TBC1D9B: variants seen among roughly 807,000 people sequenced by gnomAD.
The protein encoded by TBC1D9B is TBC1 domain family, member 9B (with GRAM domain).
Under a neutral mutation model 121.1 loss-of-function variants are expected in TBC1D9B, and 87 were observed. The ratio of observed to expected loss-of-function variants is 0.72; its 90% CI spans 0.60 to 0.86. The LOEUF is 0.86. TBC1D9B is among the 40% of genes least tolerant of loss of function. The probability of loss-of-function intolerance (pLI) is 0.00; values close to 1 mark genes in which losing one functional copy is unlikely to be tolerated. For missense variants in TBC1D9B, 1,540 were observed against 1,628.6 expected (o/e 0.95, Z 0.94); for synonymous variants, 668 against 670.1 (o/e 1.00, Z 0.05).
rs982445609 is a variant in TBC1D9B, at chr5:179,904,822, G to A, written c.119-10C>T. On this transcript the variant is annotated splice_polypyrimidine_tract_variant and intron_variant, in intron 1 of 20. Coordinates refer to ENST00000355235, the MANE Select transcript of TBC1D9B (RefSeq NM_015043.4). The surrounding 1 kb of genome is among the most constrained non-coding windows in gnomAD (Gnocchi z 4.2). ...GTGCCCACGAGAAGACCTGGGAACA[G>A]GGCAGAGAGACATAGAGGGTGAGGG... 9.7e-6 allele frequency: 15 copies of A among 1,550,006 alleles called. No homozygotes were observed. Among genetic ancestry groups the A allele is most frequent in the Non-Finnish European group, 3.5e-6 (4 of 1,146,428 alleles).
At chr5:179,889,250 G>C (rs1028519037) in intron 6 of TBC1D9B, among the ~76,000 whole-genome samples, 20 of 152,130 alleles carry the variant, frequency 1.3e-4, no homozygotes, top group African/African-American at 4.3e-4. Context: ...GGATGGTCTC[G>C]ATCTCCTGAC....
chr5:179,882,064 G>A (rs1346115122), intron 7 of TBC1D9B, among the ~76,000 whole-genome samples: 1 of 151,432 alleles, frequency 6.6e-6, no homozygotes, highest in East Asian at 1.9e-4. Context: ...CCTGCCTCAG[G>A]TTCCCAAGTA....
chr5:179,885,825 T>C lies in TBC1D9B; in HGVS notation c.1254+2278A>G, dbSNP rs1760668784. On this transcript the variant is annotated intron_variant, in intron 7 of 20. Coordinates refer to ENST00000355235, the MANE Select transcript of TBC1D9B (RefSeq NM_015043.4). This position sits in a 1 kb window ranked among gnomAD's most constrained non-coding sequence, Gnocchi z 4.5. Reference sequence around the variant, plus strand: ...GTAAACAGGTCGTGCCCTCCTCTGGTCATGACTCTTCACTGGCTTCCCCTC... The same window carrying C: ...GTAAACAGGTCGTGCCCTCCTCTGGCCATGACTCTTCACTGGCTTCCCCTC... Among the ~76,000 whole-genome samples, 1 of 152,112 alleles carries C rather than the reference T, an allele frequency of 6.6e-6. No individual in the cohort carries two copies. The highest frequency in any genetic ancestry group is 1.9e-4 in the East Asian group (1 of 5,190).
At position 179,876,986 on chromosome 5, in the gene TBC1D9B, G is replaced by A. The variant is rs550746174; in HGVS notation, c.1783-949C>T. On this transcript the variant is annotated intron_variant, in intron 10 of 20. Coordinates refer to ENST00000355235, the MANE Select transcript of TBC1D9B (RefSeq NM_015043.4). ...CCCAGGAGGCTGAAGTGGGAGGATC[G>A]ATTGAGCCCAGTAGGTGGAGGCTGC... is the stretch of plus-strand genomic sequence containing the variant. Among the ~76,000 whole-genome samples, 17 of 147,346 alleles carry A rather than the reference G, an allele frequency of 1.2e-4. No individual in the cohort carries two copies. In the East Asian group the frequency reaches 1.8e-3, roughly 16 times the overall value.
At position 179,875,987 on chromosome 5, in the gene TBC1D9B, C is replaced by A. The variant is rs1760349738; in HGVS notation, c.1833G>T (p.Glu611Asp). The change falls in exon 11 of 21, where the codon GAG becomes GAT. Residue 611 changes from glutamate (E) to aspartate (D), a missense_variant. Glu to Asp is a conservative substitution (Grantham distance 45). Transcript: ENST00000355235. This position sits in a 1 kb window ranked among gnomAD's most constrained non-coding sequence, Gnocchi z 4.5. ...SVLLLYGSEEEAFWLLVALCE... is the reference protein window; with the variant it reads ...SVLLLYGSEEDAFWLLVALCE... ...ACAGGGCCACCAGGAGCCAGAAGGC[C>A]TCCTCCTCACTGCCATAGAGCAGGA... 1 of 1,612,330 alleles carries A rather than the reference C, an allele frequency of 6.2e-7. No homozygotes were observed. Among genetic ancestry groups the A allele is most frequent in the East Asian group, 2.2e-5 (1 of 44,798 alleles).
rs1582091056 is a variant in TBC1D9B at position 179,885,095 on chromosome 5, C to A, written c.1254+3008G>T. ...CCCCTGCTTCTGTGATGGGCTCCAG[C>A]CGGCCTCCTTGCTTCTATTCTTGCC... On this transcript the variant is annotated intron_variant, in intron 7 of 20. Transcript: ENST00000355235. This position sits in a 1 kb window ranked among gnomAD's most constrained non-coding sequence, Gnocchi z 4.5. Among the ~76,000 whole-genome samples the A allele has an allele frequency of 6.6e-6, 1 of 152,188 alleles. No homozygotes were observed. Among genetic ancestry groups the A allele is most frequent in the East Asian group, 1.9e-4 (1 of 5,194 alleles).
Position 179,904,287 on chromosome 5 carries a change from C to T in TBC1D9B, c.229+415G>A, listed in dbSNP as rs541287578. Reference sequence around the variant, plus strand: ...TCGCCCAGGCTGGAGTGCAGTGGCGCGATCTCGGCTCACTGCAAGCTCCGC... The same window carrying T: ...TCGCCCAGGCTGGAGTGCAGTGGCGTGATCTCGGCTCACTGCAAGCTCCGC... On this transcript the variant is annotated intron_variant, in intron 2 of 20. Coordinates refer to ENST00000355235, the MANE Select transcript of TBC1D9B (RefSeq NM_015043.4). The surrounding 1 kb of genome is among the most constrained non-coding windows in gnomAD (Gnocchi z 4.2). 7.0e-5 allele frequency among the ~76,000 whole-genome samples: 10 copies of T among 143,318 alleles called. No homozygotes were observed. The East Asian group carries it at 8.2e-4, about 12-fold the overall frequency. The allele number at this position is 143,318 out of a possible 152,430, so 94.0% of individuals were successfully genotyped here.
chr5:179,863,135 AG>A lies in TBC1D9B; in HGVS notation c.*312del. 2.6e-6 allele frequency: 1 copy of A among 377,504 alleles called. No individual in the cohort carries two copies. Among genetic ancestry groups the A allele is most frequent in the Non-Finnish European group, 4.9e-6 (1 of 205,588 alleles). The allele number at this position is 377,504 out of a possible 1,614,324, so 23.4% of individuals were successfully genotyped here. A position where few individuals can be genotyped will look rare whatever the true frequency, so the allele number is the denominator to read the frequency against. On this transcript the variant is annotated 3_prime_UTR_variant, in exon 21 of 21. Coordinates refer to ENST00000355235, the MANE Select transcript of TBC1D9B (RefSeq NM_015043.4). This position sits in a 1 kb window ranked among gnomAD's most constrained non-coding sequence, Gnocchi z 4.5. ...GGAGCACAGAGGTATGAGGCAAGCA[AG>A]GGCAGATCTGAGAGCCTGTAATGCT...
intron 1 of TBC1D9B, among the ~76,000 whole-genome samples, chr5:179,905,951 C>T (rs1218545658): frequency 6.6e-6 from 1 of 152,230 alleles, no homozygotes; most frequent in Non-Finnish European, 1.5e-5. Flanking sequence ...GCCATCTCGG[C>T]TCACTGCAAC....
In TBC1D9B at chr5:179,894,373, G is replaced by A. The variant is rs2113640660; in HGVS notation, c.577+13C>T. On this transcript the variant is annotated intron_variant, in intron 4 of 20. Transcript: ENST00000355235. Reference sequence around the variant, plus strand: ...GGGTGTGGGGGCTGGGGCACACTGAGGGGCGGGCTCACCTTCCTTCCCCAG... The same window carrying A: ...GGGTGTGGGGGCTGGGGCACACTGAAGGGCGGGCTCACCTTCCTTCCCCAG... The A allele has an allele frequency of 1.2e-6, 2 of 1,603,630 alleles. No homozygotes were observed. Among genetic ancestry groups the A allele is most frequent in the Non-Finnish European group, 1.7e-6 (2 of 1,175,478 alleles).
rs770922978 is a variant in TBC1D9B, at chr5:179,874,939, A to C, written c.2149T>G (p.Cys717Gly). 1 of 1,613,664 alleles carries C rather than the reference A, an allele frequency of 6.2e-7. No homozygotes were observed. The highest frequency in any genetic ancestry group is 8.5e-7 in the Non-Finnish European group (1 of 1,180,036). Residue 717 changes from cysteine (C) to glycine (G), a missense_variant, in exon 12 of 21, where the codon TGC becomes GGC. Physicochemically the swap from Cys to Gly is radical, Grantham distance 159 (BLOSUM62 -3). Transcript: ENST00000355235. This position sits in a 1 kb window ranked among gnomAD's most constrained non-coding sequence, Gnocchi z 4.3. ...LDANMEQLLG[C>G]SDEGEAMTML... Reference sequence around the variant, plus strand: ...GTCATGGCCTCGCCCTCGTCGCTGCAGCCCAGCAGCTGCTCCATGTTGGCG... The same window carrying C: ...GTCATGGCCTCGCCCTCGTCGCTGCCGCCCAGCAGCTGCTCCATGTTGGCG...
At chr5:179,866,625 T>C (rs1398759244) in intron 18 of TBC1D9B, 1 of 152,402 alleles carries the variant, frequency 6.6e-6, no homozygotes, top group Non-Finnish European at 1.5e-5. Context: ...ACATGCGGTC[T>C]GAGGCCAGGG....
Position 179,907,680 on chromosome 5 carries a change from C to A in TBC1D9B, c.118+24G>T. 1.9e-6 allele frequency: 2 copies of A among 1,057,036 alleles called. No individual in the cohort carries two copies. Among genetic ancestry groups the A allele is most frequent in the Non-Finnish European group, 2.3e-6 (2 of 865,130 alleles). The allele number at this position is 1,057,036 out of a possible 1,614,324, so 65.5% of individuals were successfully genotyped here. A position where few individuals can be genotyped will look rare whatever the true frequency, so the allele number is the denominator to read the frequency against. ...CCAGCCCAGCCGCGGCGCCCACAGG[C>A]CCGGCCGCCCGCGCGCCTCTCACCC... On this transcript the variant is annotated intron_variant, in intron 1 of 20. Coordinates refer to ENST00000355235, the MANE Select transcript of TBC1D9B (RefSeq NM_015043.4). This position sits in a 1 kb window ranked among gnomAD's most constrained non-coding sequence, Gnocchi z 5.3.
intron 14 of TBC1D9B, 174 bp downstream of exon 14, chr5:179,872,718 C>T (rs1306904208): frequency 1.3e-5 from 8 of 625,778 alleles, no homozygotes; most frequent in African/African-American, 7.4e-5. Flanking sequence ...GGAACCTCTC[C>T]CCACATTCCC....
intron 2 of TBC1D9B, among the ~76,000 whole-genome samples, chr5:179,900,168 C>T (rs1466883420): frequency 6.6e-6 from 1 of 152,120 alleles, no homozygotes; most frequent in Non-Finnish European, 1.5e-5. Context: ...TACAGTGCAG[C>T]CTGAGTGACA....
In TBC1D9B at chr5:179,863,805, G is replaced by A. The variant is rs1244016749; in HGVS notation, c.3345C>T (p.Ser1115=). 28 of 1,613,612 alleles carry A rather than the reference G, an allele frequency of 1.7e-5. No homozygotes were observed. The highest frequency in any genetic ancestry group is 4.5e-5 in the East Asian group (2 of 44,866). ...QESQVVVEGG[S]GEGQGSPSQL... The stretch of plus-strand genomic sequence containing the variant: ...GGGAGGGTGAGCCCTGTCCCTCGCC[G>A]CTGCCCCCCTCCACCACCACCTGGC... Residue 1115 remains serine, a synonymous_variant, in exon 21 of 21, where the codon AGC becomes AGT. Transcript: ENST00000355235. The surrounding 1 kb of genome is among the most constrained non-coding windows in gnomAD (Gnocchi z 4.5).
At position 179,874,885 on chromosome 5, in the gene TBC1D9B, G is replaced by A; in HGVS notation, c.2186+17C>T. ...CTGCTGTGAGCCCCCAGCAGGAGAA[G>A]GAACCCGGCATGTCACCTGCCCAGC... On this transcript the variant is annotated intron_variant, in intron 12 of 20. Transcript: ENST00000355235. The surrounding 1 kb of genome is among the most constrained non-coding windows in gnomAD (Gnocchi z 4.3). The A allele has an allele frequency of 6.2e-7, 1 of 1,609,992 alleles. No individual in the cohort carries two copies. The highest frequency in any genetic ancestry group is 8.5e-7 in the Non-Finnish European group (1 of 1,178,464).
chr5:179,872,583 G>A (rs1016862415), intron 14 of TBC1D9B: 2 of 400,304 alleles, frequency 5.0e-6, no homozygotes, highest in African/African-American at 2.0e-5. Context: ...CTGGGAGTGG[G>A]GCAGGGAACA....
rs372177400 is a variant in TBC1D9B at position 179,867,534 on chromosome 5, G to A, written c.2863+244C>T. 62 of 1,553,772 alleles carry A rather than the reference G, an allele frequency of 4.0e-5. 1 individual carries two copies. Among genetic ancestry groups the A allele is most frequent in the African/African-American group, 1.8e-4 (13 of 73,466 alleles). On this transcript the variant is annotated intron_variant, in intron 18 of 20. Coordinates refer to ENST00000355235, the MANE Select transcript of TBC1D9B (RefSeq NM_015043.4). ...CAGAGGAGAGGCAGAGGGGCAGAGTGGGGAGGAGCCAAGGTCCAGGAAGAC... is the reference window on the plus strand; with the variant it reads ...CAGAGGAGAGGCAGAGGGGCAGAGTAGGGAGGAGCCAAGGTCCAGGAAGAC...
Sources: gnomAD v4.1 joint callset for allele counts (sites outside exome capture counted in the v4.1 genomes callset) on GRCh38, gnomAD v4.1.1 for gene constraint, Gnocchi (gnomAD v3.1) non-coding constraint, MANE v1.5 for transcripts, NCBI Gene and HGNC (gene_info 2026-07-23, HGNC 2026-07-21) for gene names.